The following AMZ1 variants were observed in gnomAD, a reference collection of about 807,000 sequenced individuals.
The protein encoded by AMZ1 is archaelysin family metallopeptidase 1.
AMZ1 carries 39 observed loss-of-function variants against 29.9 expected under a neutral mutation model. The observed-to-expected ratio is 1.30, with a 90% CI of 1.01 to 1.70. The LOEUF (loss-of-function observed/expected upper bound fraction) is 1.70, where lower values mean the gene tolerates loss of function less well. Among genes scored for constraint, AMZ1 ranks in the 40% most tolerant of loss-of-function variants. The pLI, the probability that AMZ1 is intolerant of heterozygous loss-of-function variation, is 0.00. For missense variants in AMZ1, 1,041 were observed against 680.6 expected (o/e 1.53, Z -5.89); for synonymous variants, 458 against 304.0 (o/e 1.51, Z -5.27).
chr7:2,711,763 G>C (rs1788793862), intron 6 of AMZ1, among the ~76,000 whole-genome samples: 1 of 152,094 alleles, frequency 6.6e-6, no homozygotes, highest in African/African-American at 2.4e-5. Context: ...ACGCTTTCTG[G>C]GTGGGTGCCG....
At chr7:2,747,504 A>G (rs1188887652) in intron 4 of AMZ1, among the ~76,000 whole-genome samples, 1 of 152,246 alleles carries the variant, frequency 6.6e-6, no homozygotes, top group Non-Finnish European at 1.5e-5. Context: ...CAAATTAGGT[A>G]TTGATGGGAC....
intron 4 of AMZ1, among the ~76,000 whole-genome samples, chr7:2,743,774 CAAAG>C (rs1435745681): frequency 1.3e-5 from 2 of 152,162 alleles, no homozygotes; most frequent in Admixed American, 6.5e-5. Context: ...CTTTCCTACT[CAAAG>C]AAAGGGGTGA....
rs769314012 is a variant in AMZ1, at chr7:2,714,260, G to C, written c.*1382G>C. On this transcript the variant is annotated 3_prime_UTR_variant, in exon 7 of 7. Coordinates refer to ENST00000683327, the MANE Select transcript of AMZ1 (RefSeq NM_001384743.1). ...CCTTTTGTGGGTGGGTGGCTCACACGGTTATGGAGGGCTTCTAAGAAAAAC... is the reference window on the plus strand; with the variant it reads ...CCTTTTGTGGGTGGGTGGCTCACACCGTTATGGAGGGCTTCTAAGAAAAAC... 1.3e-5 allele frequency: 2 copies of C among 152,292 alleles called. No individual in the cohort carries two copies. The highest frequency in any genetic ancestry group is 2.9e-5 in the Non-Finnish European group (2 of 68,042). 9.4% of individuals were successfully genotyped at this position (152,292 alleles called of 1,614,324 possible).
intron 4 of AMZ1, among the ~76,000 whole-genome samples, chr7:2,751,169 G>C (rs1791016354): frequency 6.6e-6 from 1 of 152,060 alleles, no homozygotes; most frequent in South Asian, 2.1e-4. Flanking sequence ...AGGTGGACTG[G>C]TTGAGGTCAG....
rs144255482 is a variant in AMZ1, at chr7:2,709,083, G to T, written c.610G>T (p.Val204Phe). Reference sequence around the variant, plus strand: ...TCTCCATCTCTCTCCAGAAGTGGGCGTCTGCAGCTTCGCCCGGTTCTCAGG... The same window carrying T: ...TCTCCATCTCTCTCCAGAAGTGGGCTTCTGCAGCTTCGCCCGGTTCTCAGG... ...SKFLPGHEVG[V>F]CSFARFSGEF... The change falls in exon 5 of 7, where the codon GTC becomes TTC. Residue 204 changes from valine to phenylalanine, a missense_variant. Coordinates refer to ENST00000683327, the MANE Select transcript of AMZ1 (RefSeq NM_001384743.1). The T allele has an allele frequency of 1.9e-6, 3 of 1,591,342 alleles. No individual in the cohort carries two copies. Among genetic ancestry groups the T allele is most frequent in the South Asian group, 1.1e-5 (1 of 88,170 alleles).
rs1020499890 is a variant in AMZ1 at position 2,713,412 on chromosome 7, G to A, written c.*534G>A. 2.0e-5 allele frequency: 3 copies of A among 152,634 alleles called. No individual in the cohort carries two copies. The highest frequency in any genetic ancestry group is 2.9e-5 in the Non-Finnish European group (2 of 68,286). The allele number at this position is 152,634 out of a possible 1,614,324, so 9.5% of individuals were successfully genotyped here. ...CGGACTGTGCTGAGGTTGGGACAGA[G>A]CCCCCTCCCCTGCAGAGGCAGAAGG... is the stretch of plus-strand genomic sequence containing the variant. On this transcript the variant is annotated 3_prime_UTR_variant, in exon 7 of 7. Transcript: ENST00000683327.
chr7:2,684,946 T>C (rs1787016355), upstream of AMZ1, among the ~76,000 whole-genome samples: 1 of 149,508 alleles, frequency 6.7e-6, no homozygotes, highest in Non-Finnish European at 1.5e-5. Flanking sequence ...CTCAGCTCAC[T>C]GCAAGCTCCG....
chr7:2,729,317 C>G (rs1038772106), intron 4 of AMZ1: 2 of 152,406 alleles, frequency 1.3e-5, no homozygotes, highest in Non-Finnish European at 2.9e-5. Context: ...GAGACCACCC[C>G]GAGGGCCCCA....
chr7:2,755,171 A>G (rs779326360), intron 4 of AMZ1, among the ~76,000 whole-genome samples: 1 of 151,916 alleles, frequency 6.6e-6, no homozygotes, highest in Non-Finnish European at 1.5e-5. Flanking sequence ...CACTGCAGGG[A>G]GACAACAGGC....
chr7:2,756,225 T>C (rs568671618), intron 4 of AMZ1, among the ~76,000 whole-genome samples: 3 of 152,174 alleles, frequency 2.0e-5, no homozygotes, highest in Non-Finnish European at 4.4e-5. Flanking sequence ...CAAATGGTGC[T>C]GGAAAAACTG....
chr7:2,699,676 T>C (rs1487187968), intron 1 of AMZ1, among the ~76,000 whole-genome samples: 3 of 152,000 alleles, frequency 2.0e-5, no homozygotes, highest in African/African-American at 7.3e-5. Context: ...GAATCCCAGA[T>C]GATGGGGGCT....
Position 2,709,149 on chromosome 7 carries a change from C to G in AMZ1, c.676C>G (p.Leu226Val), listed in dbSNP as rs1187868722. 6.3e-7 allele frequency: 1 copy of G among 1,585,506 alleles called. No homozygotes were observed. Among genetic ancestry groups the G allele is most frequent in the Admixed American group, 1.8e-5 (1 of 54,738 alleles). The change falls in exon 5 of 7, where the codon CTG becomes GTG. Residue 226 changes from leucine (L) to valine (V), a missense_variant. Transcript: ENST00000683327. ...KSGPSAPDLA[L>V]VEAAADGPEA... The stretch of plus-strand genomic sequence containing the variant: ...GGGGCCCAGCGCCCCTGATCTGGCC[C>G]TGGTAGAGGCAGCAGCAGACGGCCC...
At chr7:2,734,176 C>A (rs1308312683) in intron 4 of AMZ1, among the ~76,000 whole-genome samples, 2 of 152,202 alleles carry the variant, frequency 1.3e-5, no homozygotes, top group South Asian at 4.1e-4. Flanking sequence ...CACCCAGGAC[C>A]CCGTTTCAGG....
At position 2,715,164 on chromosome 7, in the gene AMZ1, C is replaced by T. The variant is rs1171294271; in HGVS notation, c.*2286C>T. The T allele has an allele frequency of 2.6e-5, 4 of 152,282 alleles. No homozygotes were observed. The highest frequency in any genetic ancestry group is 2.0e-4 in the Admixed American group (3 of 15,284). 9.4% of individuals were successfully genotyped at this position (152,282 alleles called of 1,614,324 possible). On this transcript the variant is annotated 3_prime_UTR_variant, in exon 7 of 7. Transcript: ENST00000683327. ...TCTGTGGCCTTTCCTAACTCGGCCT[C>T]ACGTCACAGAGCGTCACCTTTCCTG...
intron 1 of AMZ1, among the ~76,000 whole-genome samples, chr7:2,681,381 C>T (rs1047331473): frequency 2.6e-5 from 4 of 151,962 alleles, no homozygotes; most frequent in Non-Finnish European, 4.4e-5. Context: ...AGGTGATCCT[C>T]CCATCTCAGC....
intron 4 of AMZ1, among the ~76,000 whole-genome samples, chr7:2,747,065 T>A (rs1790799866): frequency 6.6e-6 from 1 of 152,130 alleles, no homozygotes; most frequent in African/African-American, 2.4e-5. Context: ...AGCAGATGGA[T>A]TCAACAGCCG....
At chr7:2,751,737 T>C (rs1378344627) in intron 4 of AMZ1, among the ~76,000 whole-genome samples, 2 of 152,202 alleles carry the variant, frequency 1.3e-5, no homozygotes, top group African/African-American at 2.4e-5. Context: ...CAAACAACTT[T>C]ATGCTAACAG....
At chr7:2,712,011 C>T (rs2115184151) in intron 6 of AMZ1, among the ~76,000 whole-genome samples, 1 of 152,206 alleles carries the variant, frequency 6.6e-6, no homozygotes, top group East Asian at 1.9e-4. Context: ...CGCAGCACTG[C>T]ACTCCAGCCT....
intron 1 of AMZ1, among the ~76,000 whole-genome samples, chr7:2,691,599 G>A (rs1246344013): frequency 6.8e-6 from 1 of 147,874 alleles, no homozygotes; most frequent in African/African-American, 2.7e-5. Flanking sequence ...AAATAAGCTG[G>A]GTGTGGTCGT....
Sources: allele counts gnomAD v4.1 joint callset (sites outside exome capture counted in the v4.1 genomes callset), GRCh38; gene constraint gnomAD v4.1.1; transcripts MANE v1.5; gene names NCBI Gene and HGNC (gene_info 2026-07-23, HGNC 2026-07-21).